The following NR2C2 variants were observed in gnomAD, a reference collection of about 807,000 sequenced individuals.
The protein encoded by NR2C2 is Nuclear hormone receptor TR4.
A neutral mutation model predicts 62.9 loss-of-function variants in NR2C2; 6 were observed. The ratio of observed to expected loss-of-function variants is 0.10; its 90% confidence interval spans 0.05 to 0.19. The LOEUF (loss-of-function observed/expected upper bound fraction) is 0.19. Ranked by LOEUF, NR2C2 falls within the 10% of genes least tolerant of loss-of-function variation. NR2C2 has a pLI of 1.00. For missense variants in NR2C2, 479 were observed against 762.7 expected, an observed-to-expected ratio of 0.63 and a Z score of 4.38; for synonymous variants, 272 against 273.8, an observed-to-expected ratio of 0.99 and a Z score of 0.07.
chr3:14,974,648 G>C (rs923280926), intron 1 of NR2C2, among the ~76,000 whole-genome samples: 1 of 149,358 alleles, frequency 6.7e-6, no homozygotes, highest in African/African-American at 2.5e-5. Flanking sequence ...GTTTCACCCA[G>C]GCTGGAGTGC....
At chr3:14,999,645 C>A (rs865977056) in intron 1 of NR2C2, among the ~76,000 whole-genome samples, 1 of 151,634 alleles carries the variant, frequency 6.6e-6, no homozygotes, top group African/African-American at 2.4e-5. Context: ...TTAACTCTTA[C>A]ATTTAGATCT....
intron 1 of NR2C2, among the ~76,000 whole-genome samples, chr3:14,989,775 A>G (rs2040614415): frequency 6.6e-6 from 1 of 151,790 alleles, no homozygotes; most frequent in Admixed American, 6.6e-5. Context: ...TCTACTAAAA[A>G]TACAAAATTA....
At chr3:14,950,950 T>C (rs2039338299) in intron 1 of NR2C2, among the ~76,000 whole-genome samples, 1 of 152,254 alleles carries the variant, frequency 6.6e-6, no homozygotes, top group Non-Finnish European at 1.5e-5. Context: ...CTGACAGATA[T>C]GCCACTTTCT....
At chr3:14,958,384 G>A (rs186738485) in intron 1 of NR2C2, among the ~76,000 whole-genome samples, 33 of 151,532 alleles carry the variant, frequency 2.2e-4, no homozygotes, top group Non-Finnish European at 4.3e-4. Flanking sequence ...ACTTCTTTTG[G>A]CAGCTAATCA....
At chr3:14,972,132 A>G (rs114216074) in intron 1 of NR2C2, among the ~76,000 whole-genome samples, 3,158 of 151,340 alleles carry the variant, frequency 0.021, 116 homozygotes, top group African/African-American at 0.072. Flanking sequence ...TAATTAAGAA[A>G]AAAAAGTTCT....
intron 11 of NR2C2, among the ~76,000 whole-genome samples, chr3:15,035,775 C>T (rs2042087400): frequency 1.3e-5 from 2 of 152,252 alleles, no homozygotes; most frequent in Admixed American, 6.5e-5. Flanking sequence ...GCCTATAATC[C>T]CAGCACTTTG....
chr3:14,996,996 A>G (rs2040852335), intron 1 of NR2C2, among the ~76,000 whole-genome samples: 1 of 152,254 alleles, frequency 6.6e-6, no homozygotes, highest in Admixed American at 6.5e-5. Context: ...ACCTGAGCCA[A>G]AATTTGGCCT....
chr3:14,997,565 G>A (rs1428888784), intron 1 of NR2C2, among the ~76,000 whole-genome samples: 1 of 152,146 alleles, frequency 6.6e-6, no homozygotes, highest in Non-Finnish European at 1.5e-5. Flanking sequence ...ATACCTTGCA[G>A]GATCTCAGCC....
Position 15,048,732 on chromosome 3 carries a change from A to C in NR2C2, c.*5724A>C, listed in dbSNP as rs2042543164. The stretch of plus-strand genomic sequence containing the variant: ...CTACAGTCTCTCTGTTCTACGGATT[A>C]TCTTGTAAACCAGTGTTCAACTAGT... On this transcript the variant is annotated 3_prime_UTR_variant, in exon 14 of 14. Coordinates refer to ENST00000425241, the MANE Select transcript of NR2C2 (RefSeq NM_001291694.2). 1 of 152,658 alleles carries C rather than the reference A, an allele frequency of 6.6e-6. No homozygotes were observed. The highest frequency in any genetic ancestry group is 6.5e-5 in the Admixed American group (1 of 15,288). The allele number at this position is 152,658 out of a possible 1,614,324, so 9.5% of individuals were successfully genotyped here. A position where few individuals can be genotyped will look rare whatever the true frequency, so the allele number is the denominator to read the frequency against.
chr3:14,950,687 A>T (rs537987791), intron 1 of NR2C2, among the ~76,000 whole-genome samples: 1 of 152,304 alleles, frequency 6.6e-6, no homozygotes, highest in South Asian at 2.1e-4. Flanking sequence ...TGATTATTTG[A>T]TTAATGTCTG....
chr3:15,007,863 C>T (rs114730838), intron 2 of NR2C2, among the ~76,000 whole-genome samples: 1 of 152,204 alleles, frequency 6.6e-6, no homozygotes, highest in African/African-American at 2.4e-5. Flanking sequence ...ATTTCACTTT[C>T]CTAGTCATCC....
At chr3:15,018,707 T>C (rs1460437835) in intron 4 of NR2C2, among the ~76,000 whole-genome samples, 1 of 152,106 alleles carries the variant, frequency 6.6e-6, no homozygotes, top group Non-Finnish European at 1.5e-5. Context: ...CTACTGATTT[T>C]TGTATTTTTA....
At chr3:15,005,805 T>C (rs1351340904) in intron 2 of NR2C2, among the ~76,000 whole-genome samples, 1 of 152,152 alleles carries the variant, frequency 6.6e-6, no homozygotes, top group Admixed American at 6.6e-5. Context: ...ACTTCCTACA[T>C]AATTTCATAA....
rs532002966 is a variant in NR2C2 at position 14,990,030 on chromosome 3, G to C, written c.-39-13846G>C. 2.1e-4 allele frequency among the ~76,000 whole-genome samples: 32 copies of C among 152,068 alleles called. No homozygotes were observed. In the East Asian group the frequency reaches 6.0e-3, roughly 28 times the overall value. ...AGGCAGGAGGATCACTTGAGCCCAG[G>C]AGGTCAAGGCTGCAGTGAGCCATGA... On this transcript the variant is annotated intron_variant, in intron 1 of 13. Coordinates refer to ENST00000425241, the MANE Select transcript of NR2C2 (RefSeq NM_001291694.2).
At chr3:14,995,320 CAA>C (rs761643743) in intron 1 of NR2C2, among the ~76,000 whole-genome samples, 8 of 118,064 alleles carry the variant, frequency 6.8e-5, no homozygotes, top group Non-Finnish European at 9.0e-5. Context: ...TTTACCCCCT[CAA>C]AAAAAAAAAA....
At chr3:15,019,645 A>G (rs1052436429) in intron 4 of NR2C2, among the ~76,000 whole-genome samples, 1 of 152,212 alleles carries the variant, frequency 6.6e-6, no homozygotes, top group African/African-American at 2.4e-5. Flanking sequence ...ATGTTACATG[A>G]AATAAGCCAG....
At chr3:14,997,842 G>C (rs2040876425) in intron 1 of NR2C2, among the ~76,000 whole-genome samples, 1 of 151,986 alleles carries the variant, frequency 6.6e-6, no homozygotes, top group South Asian at 2.1e-4. Flanking sequence ...CAGCTTAGTG[G>C]GTTTTAGTAC....
intron 9 of NR2C2, among the ~76,000 whole-genome samples, chr3:15,031,129 C>G (rs939183237): frequency 1.3e-5 from 2 of 152,190 alleles, no homozygotes; most frequent in Admixed American, 6.5e-5. Context: ...TGTCTCTTCT[C>G]TGTGTCATAG....
intron 1 of NR2C2, among the ~76,000 whole-genome samples, chr3:14,963,946 T>G (rs1447006757): frequency 6.6e-6 from 1 of 152,158 alleles, no homozygotes; most frequent in African/African-American, 2.4e-5. Flanking sequence ...AAATAATGGT[T>G]AATATTAACT....
Sources: gnomAD v4.1 joint callset for allele counts (sites outside exome capture counted in the v4.1 genomes callset) on GRCh38, gnomAD v4.1.1 for gene constraint, MANE v1.5 for transcripts, NCBI Gene and HGNC (gene_info 2026-07-23, HGNC 2026-07-21) for gene names.